The following METTL22 variants were observed in gnomAD, a reference collection of about 807,000 sequenced individuals.
METTL22 encodes methyltransferase 22, Kin17 lysine.
In METTL22, 51 loss-of-function variants were observed where a neutral mutation model predicts 48.4. The ratio of observed to expected loss-of-function variants is 1.05; its 90% CI spans 0.84 to 1.33. The LOEUF is 1.33. METTL22 is among the 40% of genes most tolerant of loss of function. METTL22 has a pLI of 0.00. For synonymous variants in METTL22, 255 were observed against 214.1 expected, an observed-to-expected ratio of 1.19 and a Z score of -1.67; for missense variants, 678 against 526.9, an observed-to-expected ratio of 1.29 and a Z score of -2.81.
At chr16:8,631,611 G>A (rs1256010534) in intron 3 of METTL22, 2 of 152,252 alleles carry the variant, frequency 1.3e-5, no homozygotes, top group Admixed American at 1.3e-4. Flanking sequence ...CCCAAGCTGG[G>A]AGGAGGGAGA....
the METTL22 span, among the ~76,000 whole-genome samples, chr16:8,661,867 C>T: frequency 3.5e-5 from 5 of 144,878 alleles, no homozygotes; most frequent in Non-Finnish European, 7.6e-5. Context: ...GCCACTGTGC[C>T]CAGCCTCCTG....
At chr16:8,636,948 C>T (rs2056442257) in intron 5 of METTL22, among the ~76,000 whole-genome samples, 2 of 152,208 alleles carry the variant, frequency 1.3e-5, no homozygotes, top group South Asian at 4.1e-4. Flanking sequence ...CTCTGGCTCC[C>T]CAGTGGTGAC....
intron 10 of METTL22, among the ~76,000 whole-genome samples, chr16:8,645,653 G>A (rs1489555645): frequency 1.3e-5 from 2 of 152,072 alleles, no homozygotes; most frequent in East Asian, 3.9e-4. Context: ...GTGCACACCT[G>A]TGGTCCCAGC....
At chr16:8,630,670 A>G (rs1363455003) in intron 3 of METTL22, among the ~76,000 whole-genome samples, 1 of 152,102 alleles carries the variant, frequency 6.6e-6, no homozygotes, top group African/African-American at 2.4e-5. Flanking sequence ...TTACCATTGT[A>G]TGAGCTAAGA....
In METTL22 at chr16:8,647,081, G is replaced by A. The variant is rs933485; in HGVS notation, c.*938G>A. The A allele has an allele frequency of 0.99, 232,600 of 234,718 alleles. 115,290 individuals carry two copies. Among genetic ancestry groups the A allele is most frequent in the East Asian group, 1 (9,407 of 9,408 alleles). 14.5% of individuals were successfully genotyped at this position (234,718 alleles called of 1,614,324 possible). A position where few individuals can be genotyped will look rare whatever the true frequency, so the allele number is the denominator to read the frequency against. ...CCAGGGCCTTTCATGGCCCCTTTCC[G>A]CCTCCCTTGCAGCTCAGGTTTCCTG... is the stretch of plus-strand genomic sequence containing the variant. On this transcript the variant is annotated 3_prime_UTR_variant, in exon 11 of 11. Transcript: ENST00000381920.
At chr16:8,636,722 G>T (rs992481947) in intron 5 of METTL22, among the ~76,000 whole-genome samples, 13 of 151,494 alleles carry the variant, frequency 8.6e-5, no homozygotes, top group African/African-American at 3.2e-4. Context: ...CTGTCACCTA[G>T]GTTCCTAGGA....
At chr16:8,666,571 C>T in the METTL22 span, among the ~76,000 whole-genome samples, 1 of 152,202 alleles carries the variant, frequency 6.6e-6, no homozygotes, top group African/African-American at 2.4e-5. Flanking sequence ...TCCCACTTAA[C>T]ACTCATGAAA....
intron 1 of METTL22, among the ~76,000 whole-genome samples, chr16:8,623,059 AT>A (rs1261959140): frequency 6.6e-6 from 1 of 152,138 alleles, no homozygotes; most frequent in Non-Finnish European, 1.5e-5. Flanking sequence ...CACACCTATA[AT>A]CCCAGCACTT....
chr16:8,661,010 T>G, the METTL22 span, among the ~76,000 whole-genome samples: 1 of 152,120 alleles, frequency 6.6e-6, no homozygotes, highest in Non-Finnish European at 1.5e-5. Flanking sequence ...AGTTTGGTCT[T>G]GGCTTCAAGT....
chr16:8,645,649 A>G (rs1172390104), intron 10 of METTL22, among the ~76,000 whole-genome samples: 2 of 151,870 alleles, frequency 1.3e-5, no homozygotes, highest in South Asian at 2.1e-4. Flanking sequence ...GGTGGTGCAC[A>G]CCTGTGGTCC....
chr16:8,646,598 T>C lies in METTL22; in HGVS notation c.*455T>C, dbSNP rs1182338675. ...CAAAAGCCTCATTTCCTCCCAGGGTTGGGTATGCTCCACCCCATCACTCTG... is the reference window on the plus strand; with the variant it reads ...CAAAAGCCTCATTTCCTCCCAGGGTCGGGTATGCTCCACCCCATCACTCTG... On this transcript the variant is annotated 3_prime_UTR_variant, in exon 11 of 11. Transcript: ENST00000381920. 2.2e-6 allele frequency: 1 copy of C among 461,618 alleles called. No individual in the cohort carries two copies. The highest frequency in any genetic ancestry group is 4.3e-6 in the Non-Finnish European group (1 of 230,448). 28.6% of individuals were successfully genotyped at this position (461,618 alleles called of 1,614,324 possible).
At chr16:8,655,591 GA>G in the METTL22 span, among the ~76,000 whole-genome samples, 1 of 152,202 alleles carries the variant, frequency 6.6e-6, no homozygotes, top group Non-Finnish European at 1.5e-5. Context: ...AAGGGGAGGG[GA>G]TTACACAGAG....
chr16:8,658,255 C>G, the METTL22 span, among the ~76,000 whole-genome samples: 1 of 152,206 alleles, frequency 6.6e-6, no homozygotes, highest in Admixed American at 6.5e-5. Context: ...CAAGGAAGAA[C>G]CCTCCCCTTG....
At chr16:8,635,381 A>G (rs2056393483) in intron 5 of METTL22, 69 bp downstream of exon 5, 2 of 1,470,102 alleles carry the variant, frequency 1.4e-6, no homozygotes, top group Non-Finnish European at 1.8e-6. Context: ...ACTGTATAAA[A>G]AAAGAGGCAG....
the METTL22 span, among the ~76,000 whole-genome samples, chr16:8,659,595 AT>A: frequency 1.3e-5 from 2 of 152,172 alleles, no homozygotes; most frequent in Non-Finnish European, 2.9e-5. Context: ...GCAAAATATA[AT>A]GTCAGGTAGT....
chr16:8,657,824 C>CTTTTTTTTTTTTTTTTTTTT, the METTL22 span, among the ~76,000 whole-genome samples: 17 of 137,474 alleles, frequency 1.2e-4, 1 homozygote, highest in African/African-American at 4.3e-4. Flanking sequence ...TCTTTTCTTT[C>CTTTTTTTTTTTTTTTTTTTT]TTTTTTTTTT....
rs527695858 is a variant in METTL22 at position 8,624,668 on chromosome 16, C to A, written c.-170-828C>A. On this transcript the variant is annotated intron_variant, in intron 1 of 10. Transcript: ENST00000381920. ...ATGGCTTGAGCCCAAGAATTTGAGACCAGCCTGGGAAACATAGTGAGACCC... is the reference window on the plus strand; with the variant it reads ...ATGGCTTGAGCCCAAGAATTTGAGAACAGCCTGGGAAACATAGTGAGACCC... Among the ~76,000 whole-genome samples, 23 of 152,046 alleles carry A rather than the reference C, an allele frequency of 1.5e-4. No homozygotes were observed. In the East Asian group the frequency reaches 4.3e-3, roughly 28 times the overall value.
At chr16:8,651,837 G>A (rs1274064045), downstream of METTL22, among the ~76,000 whole-genome samples, 1 of 152,160 alleles carries the variant, frequency 6.6e-6, no homozygotes, top group Non-Finnish European at 1.5e-5. Flanking sequence ...ACATAGGGAG[G>A]AGAACATCAC....
chr16:8,638,236 C>T (rs2056483074), intron 5 of METTL22, among the ~76,000 whole-genome samples: 1 of 152,138 alleles, frequency 6.6e-6, no homozygotes, highest in African/African-American at 2.4e-5. Context: ...CTCCCTTCTG[C>T]AAGCAGGGAG....
Sources: gnomAD v4.1 joint callset for allele counts (sites outside exome capture counted in the v4.1 genomes callset) on GRCh38, gnomAD v4.1.1 for gene constraint, MANE v1.5 for transcripts, NCBI Gene and HGNC (gene_info 2026-07-23, HGNC 2026-07-21) for gene names.